Variants in KCNH5 observed in about 807,000 individuals in gnomAD.
The protein encoded by KCNH5 is potassium voltage-gated channel subfamily H member 5.
A neutral mutation model predicts 96.1 loss-of-function variants in KCNH5; 46 were observed. That is an observed-to-expected ratio of 0.48 (90% CI 0.38 to 0.61). KCNH5 has a LOEUF of 0.61. KCNH5 is among the 20% of genes least tolerant of loss of function. The probability of loss-of-function intolerance (pLI) is 0.00; values close to 1 mark genes in which losing one functional copy is unlikely to be tolerated. For missense variants in KCNH5, 907 were observed against 1,225.8 expected, an observed-to-expected ratio of 0.74 and a Z score of 3.88; for synonymous variants, 439 against 449.8, an observed-to-expected ratio of 0.98 and a Z score of 0.30.
At chr14:62,912,273 G>A (rs1889182525) in intron 7 of KCNH5, among the ~76,000 whole-genome samples, 1 of 151,964 alleles carries the variant, frequency 6.6e-6, no homozygotes, top group African/African-American at 2.4e-5. Context: ...ATAATAAATA[G>A]AAATTTGGTT....
intron 6 of KCNH5, among the ~76,000 whole-genome samples, chr14:62,971,765 T>C (rs1890412760): frequency 6.6e-6 from 1 of 151,870 alleles, no homozygotes; most frequent in African/African-American, 2.4e-5. Flanking sequence ...AAACATAGTC[T>C]TTTCAAAAAA....
At chr14:62,832,335 C>A (rs972291605) in intron 8 of KCNH5, among the ~76,000 whole-genome samples, 1 of 152,092 alleles carries the variant, frequency 6.6e-6, no homozygotes, top group Non-Finnish European at 1.5e-5. Flanking sequence ...ACTTTAGATA[C>A]CTCAAATAAG....
chr14:62,805,009 A>G (rs1886736845), intron 8 of KCNH5, among the ~76,000 whole-genome samples: 1 of 152,218 alleles, frequency 6.6e-6, no homozygotes, highest in African/African-American at 2.4e-5. Flanking sequence ...ACCTGAAGAT[A>G]TTTTAAGCAC....
At chr14:62,904,262 AT>A (rs1288280298) in intron 7 of KCNH5, among the ~76,000 whole-genome samples, 1 of 152,098 alleles carries the variant, frequency 6.6e-6, no homozygotes, top group Non-Finnish European at 1.5e-5. Context: ...CACTGTACCT[AT>A]TTTTCCTTCG....
At chr14:62,794,617 TAATA>T (rs1460341722) in intron 9 of KCNH5, among the ~76,000 whole-genome samples, 1 of 152,050 alleles carries the variant, frequency 6.6e-6, no homozygotes, top group Non-Finnish European at 1.5e-5. Flanking sequence ...AGCACTCCAT[TAATA>T]ATTATTGGTA....
At chr14:63,030,098 A>G (rs1002288251) in intron 1 of KCNH5, among the ~76,000 whole-genome samples, 5 of 152,214 alleles carry the variant, frequency 3.3e-5, no homozygotes, top group African/African-American at 1.2e-4. Context: ...TTATCAACCA[A>G]TCTTGACAGG....
At chr14:62,986,899 T>G (rs1179722008) in intron 5 of KCNH5, among the ~76,000 whole-genome samples, 173 bp downstream of exon 5, 1 of 152,168 alleles carries the variant, frequency 6.6e-6, no homozygotes, top group South Asian at 2.1e-4. Flanking sequence ...ATTTCAAAAG[T>G]TGGAGAGAAT....
At chr14:62,995,495 A>G (rs536077114) in intron 4 of KCNH5, among the ~76,000 whole-genome samples, 1 of 152,276 alleles carries the variant, frequency 6.6e-6, no homozygotes, top group Non-Finnish European at 1.5e-5. Flanking sequence ...TCAACATTGG[A>G]TAAACACAAC....
rs745444217 is a variant in KCNH5 at position 62,708,115 on chromosome 14, T to C, written c.2360A>G (p.Asn787Ser). The change falls in exon 11 of 11, where the codon AAC (asparagine) becomes AGC (serine). Residue 787 changes from asparagine to serine, a missense_variant. By Grantham distance (46) the Asn-to-Ser change is conservative. Transcript: ENST00000322893. The stretch of plus-strand genomic sequence containing the variant: ...GAGACATTTTTGGTCAGCACCGCCG[T>C]TGGGCTTGAGTTCCATGGCATCACG... ...NNRDAMELKP[N>S]GGADQKCLKV... The C allele has an allele frequency of 1.7e-5, 28 of 1,614,100 alleles. No homozygotes were observed. The highest frequency in any genetic ancestry group is 8.3e-5 in the Admixed American group (5 of 60,008).
At chr14:62,762,983 T>C (rs923109028) in intron 10 of KCNH5, among the ~76,000 whole-genome samples, 3 of 152,040 alleles carry the variant, frequency 2.0e-5, no homozygotes, top group East Asian at 3.9e-4. Flanking sequence ...AGACAGATAA[T>C]TGAGGTGGAA....
chr14:62,867,631 C>T (rs916031519), intron 7 of KCNH5, among the ~76,000 whole-genome samples: 2 of 152,164 alleles, frequency 1.3e-5, no homozygotes, highest in African/African-American at 4.8e-5. Flanking sequence ...TTTAAAATAA[C>T]ATCAGATCAT....
intron 6 of KCNH5, among the ~76,000 whole-genome samples, chr14:62,965,365 T>C (rs1036003002): frequency 2.0e-5 from 3 of 152,070 alleles, no homozygotes; most frequent in Non-Finnish European, 2.9e-5. Flanking sequence ...ACTGGATTCA[T>C]TCTTAAAGGA....
chr14:62,972,641 T>C (rs1007323926), intron 6 of KCNH5, among the ~76,000 whole-genome samples: 3 of 151,932 alleles, frequency 2.0e-5, no homozygotes, highest in African/African-American at 7.3e-5. Flanking sequence ...AAATAAACTG[T>C]GATACATCCA....
chr14:62,926,663 C>T (rs1261829215), intron 7 of KCNH5, among the ~76,000 whole-genome samples: 1 of 152,124 alleles, frequency 6.6e-6, no homozygotes, highest in East Asian at 1.9e-4. Flanking sequence ...ACTGTGTCTT[C>T]ATATGGTGGA....
chr14:62,751,432 C>A (rs1335629915), intron 10 of KCNH5, among the ~76,000 whole-genome samples: 1 of 152,144 alleles, frequency 6.6e-6, no homozygotes, highest in Non-Finnish European at 1.5e-5. Context: ...GCCTAGTTGT[C>A]CAATGGGAGC....
At chr14:62,778,121 G>A (rs1243326183) in intron 10 of KCNH5, among the ~76,000 whole-genome samples, 2 of 152,050 alleles carry the variant, frequency 1.3e-5, no homozygotes, top group Non-Finnish European at 2.9e-5. Context: ...GCAGTATGGG[G>A]GAAGATTTTA....
At chr14:62,807,544 G>A (rs1356300741) in intron 8 of KCNH5, among the ~76,000 whole-genome samples, 2 of 152,072 alleles carry the variant, frequency 1.3e-5, no homozygotes, top group East Asian at 1.9e-4. Context: ...TATTAAGTTT[G>A]CTAAATGCTT....
intron 10 of KCNH5, among the ~76,000 whole-genome samples, chr14:62,774,789 C>T (rs375611540): frequency 1.1e-4 from 16 of 152,228 alleles, no homozygotes; most frequent in South Asian, 2.1e-4. Flanking sequence ...TTGGAAACTA[C>T]GGAATTGTGT....
intron 8 of KCNH5, among the ~76,000 whole-genome samples, chr14:62,810,996 T>A (rs1243471949): frequency 6.6e-6 from 1 of 151,986 alleles, no homozygotes; most frequent in Non-Finnish European, 1.5e-5. Flanking sequence ...CCAACGGCTA[T>A]CTTTGGGTAA....
Sources: allele counts gnomAD v4.1 joint callset (sites outside exome capture counted in the v4.1 genomes callset), GRCh38; gene constraint gnomAD v4.1.1; transcripts MANE v1.5; gene names NCBI Gene and HGNC (gene_info 2026-07-23, HGNC 2026-07-21).